Variants in THADA observed in about 807,000 individuals in gnomAD.
THADA encodes THADA armadillo repeat containing.
In THADA, 213 loss-of-function variants were observed where a neutral mutation model predicts 219.8. That is an observed-to-expected ratio of 0.97 (90% confidence interval 0.87 to 1.09). THADA has a LOEUF of 1.09. Among genes scored for constraint, THADA ranks in the 50% least tolerant of loss-of-function variants. THADA has a pLI of 0.00. For synonymous variants in THADA, 1,018 were observed against 828.9 expected (o/e 1.23, Z -3.92); for missense variants, 2,956 against 2,311.3 (o/e 1.28, Z -5.72).
At chr2:43,238,118 CAAAAAAAAAAAAAAAAAAAA>C (rs59802310) in intron 36 of THADA, among the ~76,000 whole-genome samples, 17 of 28,280 alleles carry the variant, frequency 6.0e-4, no homozygotes, top group African/African-American at 1.1e-3. Context: ...GATTCCATCT[CAAAAAAAAAAAAAAAAAAAA>C]AAAAAAAAAA....
intron 28 of THADA, among the ~76,000 whole-genome samples, chr2:43,427,231 C>T (rs1026515059): frequency 3.9e-5 from 6 of 152,162 alleles, no homozygotes; most frequent in East Asian, 3.8e-4. Flanking sequence ...CTCTCGAACC[C>T]GTGGACAGAA....
chr2:43,494,939 G>A (rs1019327297), intron 25 of THADA, among the ~76,000 whole-genome samples: 1 of 152,130 alleles, frequency 6.6e-6, no homozygotes, highest in African/African-American at 2.4e-5. Flanking sequence ...TTTACTGCAA[G>A]TTAAAATTAA....
intron 26 of THADA, among the ~76,000 whole-genome samples, chr2:43,471,328 C>A (rs1274027957): frequency 6.6e-6 from 1 of 152,042 alleles, no homozygotes; most frequent in East Asian, 1.9e-4. Context: ...GACTTTGAGA[C>A]CAGCCTGGGC....
At chr2:43,328,976 T>C (rs193014010) in intron 30 of THADA, among the ~76,000 whole-genome samples, 1 of 152,344 alleles carries the variant, frequency 6.6e-6, no homozygotes, top group East Asian at 1.9e-4. Flanking sequence ...TTCTCATTAC[T>C]GTACTAACAC....
intron 30 of THADA, among the ~76,000 whole-genome samples, chr2:43,333,942 G>T (rs779860262): frequency 6.6e-6 from 1 of 152,202 alleles, no homozygotes; most frequent in Non-Finnish European, 1.5e-5. Context: ...CCTGGGAAGT[G>T]TAAGTCTCTT....
intron 25 of THADA, among the ~76,000 whole-genome samples, chr2:43,486,174 C>G (rs949676066): frequency 6.6e-6 from 1 of 152,088 alleles, no homozygotes; most frequent in Non-Finnish European, 1.5e-5. Flanking sequence ...CAAAATGTTG[C>G]TTATCAGCTT....
Position 43,586,732 on chromosome 2 carries a change from T to G in THADA, c.454A>C (p.Arg152=), listed in dbSNP as rs1157911407. Residue 152 remains arginine (R), a splice_region_variant and synonymous_variant, in exon 6 of 38, where the codon AGA becomes CGA. Transcript: ENST00000405975. ...SSCMENFNLG[R]ASVNNLLKNV... is the part of the protein sequence containing the mutation. ...TTAAGCAGATTATTAACACTTGCTC[T>G]ACCTGTAGAGGAAAAAATGAACACT... The G allele has an allele frequency of 6.2e-7, 1 of 1,612,366 alleles. No homozygotes were observed. Among genetic ancestry groups the G allele is most frequent in the South Asian group, 1.1e-5 (1 of 90,506 alleles).
intron 22 of THADA, among the ~76,000 whole-genome samples, chr2:43,525,618 G>T (rs1048171760): frequency 6.6e-6 from 1 of 152,134 alleles, no homozygotes; most frequent in African/African-American, 2.4e-5. Flanking sequence ...CCATAAATGC[G>T]AGTGAAGTTG....
chr2:43,458,164 G>C (rs1683232773), intron 26 of THADA, among the ~76,000 whole-genome samples: 1 of 152,126 alleles, frequency 6.6e-6, no homozygotes, highest in Admixed American at 6.5e-5. Context: ...GATTGGTAAT[G>C]GATGATGTTG....
intron 13 of THADA, among the ~76,000 whole-genome samples, chr2:43,571,477 C>G (rs11884565): frequency 0.31 from 46,490 of 151,444 alleles, 7,272 homozygotes; most frequent in South Asian, 0.41. Context: ...ATTCTGAACT[C>G]CTGAAAAAAA....
At chr2:43,535,675 C>CAAAAAAAAAAAAAAAAA (rs1177702416) in intron 21 of THADA, among the ~76,000 whole-genome samples, 1 of 30,354 alleles carries the variant, frequency 3.3e-5, no homozygotes, top group Non-Finnish European at 6.1e-5. Context: ...CAGCGAGACT[C>CAAAAAAAAAAAAAAAAA]AAAAAAAAAA....
chr2:43,456,890 A>C, intron 26 of THADA, among the ~76,000 whole-genome samples: 1 of 152,214 alleles, frequency 6.6e-6, no homozygotes, highest in East Asian at 1.9e-4. Flanking sequence ...TTTCAAACTT[A>C]CAATGCAAAT....
chr2:43,515,580 T>C (rs1054602285), intron 22 of THADA, among the ~76,000 whole-genome samples: 1 of 148,406 alleles, frequency 6.7e-6, no homozygotes, highest in Non-Finnish European at 1.5e-5. Context: ...CATAGCAAAA[T>C]TGTGATTAAT....
At chr2:43,248,538 G>A (rs140882120) in intron 36 of THADA, among the ~76,000 whole-genome samples, 39 of 152,232 alleles carry the variant, frequency 2.6e-4, no homozygotes, top group African/African-American at 8.9e-4. Context: ...GCTCAGTAAA[G>A]AAAATTGATT....
chr2:43,479,257 T>C (rs185899793), intron 26 of THADA, among the ~76,000 whole-genome samples: 1 of 152,212 alleles, frequency 6.6e-6, no homozygotes, highest in Non-Finnish European at 1.5e-5. Context: ...AATCGACTGA[T>C]TTTTTAAAAT....
chr2:43,311,513 G>C (rs1056411127), intron 31 of THADA, among the ~76,000 whole-genome samples: 1 of 152,266 alleles, frequency 6.6e-6, no homozygotes, highest in East Asian at 1.9e-4. Flanking sequence ...TCCACTTCTA[G>C]GTAAATACCC....
intron 26 of THADA, chr2:43,430,522 T>C (rs1679099353): frequency 1.9e-6 from 1 of 528,346 alleles, no homozygotes; most frequent in South Asian, 2.0e-5. Flanking sequence ...TCTCAAAATT[T>C]AAGATTATGT....
At chr2:43,485,786 T>C (rs1573890272) in intron 25 of THADA, among the ~76,000 whole-genome samples, 1 of 152,036 alleles carries the variant, frequency 6.6e-6, no homozygotes, top group South Asian at 2.1e-4. Context: ...TCCCAGCTAC[T>C]TGGGAGGCTA....
chr2:43,471,177 AC>A (rs1264841615), intron 26 of THADA, among the ~76,000 whole-genome samples: 5 of 152,036 alleles, frequency 3.3e-5, no homozygotes, highest in Non-Finnish European at 5.9e-5. Flanking sequence ...ATTTACTGTC[AC>A]CCCCCAAAAT....
Sources: gnomAD v4.1 joint callset for allele counts (sites outside exome capture counted in the v4.1 genomes callset) on GRCh38, gnomAD v4.1.1 for gene constraint, MANE v1.5 for transcripts, NCBI Gene and HGNC (gene_info 2026-07-23, HGNC 2026-07-21) for gene names.